Variants in DAB1 observed in about 807,000 individuals in gnomAD.
The protein encoded by DAB1 is disabled homolog 1.
A neutral mutation model predicts 64.6 loss-of-function variants in DAB1; 15 were observed. The ratio of observed to expected loss-of-function variants is 0.23; its 90% CI spans 0.16 to 0.36. DAB1 has a LOEUF of 0.36. Among genes scored for constraint, DAB1 ranks in the 10% least tolerant of loss-of-function variants. The probability of loss-of-function intolerance (pLI) is 1.00; values close to 1 mark genes in which losing one functional copy is unlikely to be tolerated. For synonymous variants in DAB1, 235 were observed against 251.9 expected (o/e 0.93, Z 0.64); for missense variants, 596 against 706.7 (o/e 0.84, Z 1.78).
intron 7 of DAB1, among the ~76,000 whole-genome samples, chr1:57,510,737 T>A (rs1451738613): frequency 6.6e-6 from 1 of 152,162 alleles, no homozygotes; most frequent in African/African-American, 2.4e-5. Context: ...TAATCTCTTA[T>A]CAAGCTCTAT....
chr1:57,171,497 C>T (rs197112), intron 2 of DAB1, among the ~76,000 whole-genome samples: 1,868 of 134,016 alleles, frequency 0.014, 23 homozygotes, highest in Non-Finnish European at 0.022. Context: ...CTATCTGGGA[C>T]ACTTTAAATA....
intron 6 of DAB1, among the ~76,000 whole-genome samples, chr1:57,696,443 A>G (rs1290279604): frequency 6.6e-6 from 1 of 152,102 alleles, no homozygotes; most frequent in Admixed American, 6.6e-5. Context: ...AAACCCTTGA[A>G]AATTGCATCC....
chr1:57,562,691 C>T (rs1345677345), intron 7 of DAB1, among the ~76,000 whole-genome samples: 2 of 152,218 alleles, frequency 1.3e-5, no homozygotes, highest in African/African-American at 4.8e-5. Context: ...TAGTGATCCA[C>T]TAGCAAAATT....
chr1:58,145,769 C>T (rs1007933200), intron 5 of DAB1, among the ~76,000 whole-genome samples: 3 of 152,152 alleles, frequency 2.0e-5, no homozygotes, highest in Non-Finnish European at 4.4e-5. Context: ...TGATTGTTTC[C>T]ACGGACATGC....
At chr1:58,499,303 C>G (rs1400282549) in intron 3 of DAB1, among the ~76,000 whole-genome samples, 1 of 131,382 alleles carries the variant, frequency 7.6e-6, no homozygotes, top group African/African-American at 3.1e-5. Flanking sequence ...CACAGCAAGA[C>G]CACATCTCTA....
intron 3 of DAB1, among the ~76,000 whole-genome samples, chr1:58,392,014 A>G (rs1272473197): frequency 1.3e-5 from 2 of 152,244 alleles, no homozygotes; most frequent in Non-Finnish European, 2.9e-5. Context: ...ATGAAGGAAT[A>G]TGCGTAGCCA....
intron 2 of DAB1, among the ~76,000 whole-genome samples, chr1:57,192,922 T>G (rs197661): frequency 6.6e-6 from 1 of 152,206 alleles, no homozygotes; most frequent in East Asian, 1.9e-4. Context: ...TTTAATTTTT[T>G]AAAATTCATT....
intron 6 of DAB1, among the ~76,000 whole-genome samples, chr1:57,689,935 A>G (rs1308185916): frequency 3.3e-5 from 5 of 151,546 alleles, no homozygotes; most frequent in African/African-American, 1.2e-4. Context: ...GGTAATCATA[A>G]TTCTATTCTC....
chr1:57,451,386 T>C (rs531748065), intron 7 of DAB1, among the ~76,000 whole-genome samples: 2 of 152,348 alleles, frequency 1.3e-5, no homozygotes, highest in South Asian at 4.1e-4. Context: ...TTATAGAGTG[T>C]CCGATTTCTG....
intron 6 of DAB1, among the ~76,000 whole-genome samples, chr1:57,720,638 T>G (rs925241758): frequency 6.6e-6 from 1 of 152,198 alleles, no homozygotes; most frequent in African/African-American, 2.4e-5. Flanking sequence ...CACCTAATAG[T>G]GTTGTAGTGA....
chr1:57,935,349 G>A (rs1288457724), intron 5 of DAB1, among the ~76,000 whole-genome samples: 2 of 152,154 alleles, frequency 1.3e-5, no homozygotes, highest in African/African-American at 4.8e-5. Context: ...TGGAGATTTT[G>A]TGCGAATTAA....
At chr1:58,434,659 C>T (rs822164) in intron 3 of DAB1, among the ~76,000 whole-genome samples, 2,830 of 152,244 alleles carry the variant, frequency 0.019, 91 homozygotes, top group African/African-American at 0.064. Context: ...AGAATGGATA[C>T]GTCACCAATA....
chr1:57,123,281 T>C (rs1656830163), intron 4 of DAB1, among the ~76,000 whole-genome samples: 1 of 152,150 alleles, frequency 6.6e-6, no homozygotes, highest in Non-Finnish European at 1.5e-5. Context: ...CAATTCTTAA[T>C]ATCCTTTGGC....
At chr1:58,546,341 A>G (rs2100510015) in intron 1 of DAB1, among the ~76,000 whole-genome samples, 1 of 152,298 alleles carries the variant, frequency 6.6e-6, no homozygotes, top group East Asian at 1.9e-4. Context: ...CTGCTCTGAA[A>G]GCGGAGCCGC....
chr1:57,712,332 C>T (rs760273909), intron 6 of DAB1, among the ~76,000 whole-genome samples: 12 of 152,018 alleles, frequency 7.9e-5, no homozygotes, highest in Admixed American at 1.3e-4. Flanking sequence ...GCTAAAGACT[C>T]GATGCTTTGG....
At chr1:57,731,720 G>A (rs989172237) in intron 6 of DAB1, among the ~76,000 whole-genome samples, 5 of 151,820 alleles carry the variant, frequency 3.3e-5, no homozygotes, top group African/African-American at 9.7e-5. Flanking sequence ...CATGAGAATC[G>A]CTTGAACCCA....
chr1:58,537,879 T>C (rs1303628018), intron 1 of DAB1, among the ~76,000 whole-genome samples: 2 of 152,162 alleles, frequency 1.3e-5, no homozygotes, highest in African/African-American at 2.4e-5. Flanking sequence ...TGATCAACAA[T>C]AGTAACAAAA....
chr1:57,392,647 T>C (rs486804), intron 1 of DAB1, among the ~76,000 whole-genome samples: 5,875 of 152,254 alleles, frequency 0.039, 354 homozygotes, highest in African/African-American at 0.13. Flanking sequence ...ATATTTTTGG[T>C]GGGTCTTGAA....
At chr1:57,224,610 C>T (rs970380560) in intron 2 of DAB1, among the ~76,000 whole-genome samples, 4 of 152,210 alleles carry the variant, frequency 2.6e-5, no homozygotes, top group African/African-American at 9.6e-5. Flanking sequence ...ACAGCATCTC[C>T]CTTTGGGGAA....
Sources: allele counts gnomAD v4.1 joint callset (sites outside exome capture counted in the v4.1 genomes callset), GRCh38; gene constraint gnomAD v4.1.1; transcripts MANE v1.5; gene names NCBI Gene and HGNC (gene_info 2026-07-23, HGNC 2026-07-21).